MCC: variants seen among roughly 807,000 people sequenced by gnomAD.
MCC encodes the protein MCC regulator of Wnt signaling pathway.
In MCC, 90 loss-of-function variants were observed where a neutral mutation model predicts 116.2. The observed-to-expected ratio is 0.77, with a 90% CI of 0.65 to 0.92. The LOEUF (loss-of-function observed/expected upper bound fraction) is 0.92, where lower values mean the gene tolerates loss of function less well. MCC is among the 40% of genes least tolerant of loss of function. The pLI is 0.00. For synonymous variants in MCC, 578 were observed against 510.5 expected (o/e 1.13, Z -1.78); for missense variants, 1,516 against 1,312.2 (o/e 1.16, Z -2.40).
At chr5:113,234,142 G>A (rs1764046143) in intron 3 of MCC, among the ~76,000 whole-genome samples, 1 of 152,096 alleles carries the variant, frequency 6.6e-6, no homozygotes, top group South Asian at 2.1e-4. Flanking sequence ...TTCATGAACT[G>A]ATAGTTTGTG....
chr5:113,262,522 C>A (rs1765254008), intron 3 of MCC, among the ~76,000 whole-genome samples: 1 of 152,146 alleles, frequency 6.6e-6, no homozygotes. Context: ...AGTTATTGTT[C>A]ACCAAGCACT....
At chr5:113,268,406 G>C (rs1765492677) in intron 3 of MCC, among the ~76,000 whole-genome samples, 1 of 152,112 alleles carries the variant, frequency 6.6e-6, no homozygotes, top group Admixed American at 6.5e-5. Flanking sequence ...AGGCCCTTAG[G>C]ATGTACCACT....
intron 3 of MCC, among the ~76,000 whole-genome samples, chr5:113,329,279 G>A (rs558274018): frequency 6.6e-6 from 1 of 152,212 alleles, no homozygotes; most frequent in East Asian, 1.9e-4. Context: ...TGAGGGTCCA[G>A]GTGTTCTTCC....
At chr5:113,145,681 T>C (rs1395092126) in intron 4 of MCC, among the ~76,000 whole-genome samples, 3 of 151,988 alleles carry the variant, frequency 2.0e-5, no homozygotes, top group African/African-American at 7.3e-5. Context: ...CCAGCAGCCC[T>C]CGCTGCTGCT....
rs532517553 is a variant in MCC, at chr5:113,168,318, T to A, written c.628-16896A>T. 3.3e-5 allele frequency among the ~76,000 whole-genome samples: 5 copies of A among 152,342 alleles called. No individual in the cohort carries two copies. In the East Asian group the frequency reaches 5.8e-4, roughly 18 times the overall value. On this transcript the variant is annotated intron_variant, in intron 3 of 18. Coordinates refer to ENST00000408903, the MANE Select transcript of MCC (RefSeq NM_001085377.2). Reference sequence around the variant, plus strand: ...TGATGAAAATGTGCCCTTTTCCAGATAAATGCCAGATGTTAAGAGTACTTT... The same window carrying A: ...TGATGAAAATGTGCCCTTTTCCAGAAAAATGCCAGATGTTAAGAGTACTTT...
chr5:113,254,121 T>A (rs555856953), intron 3 of MCC, among the ~76,000 whole-genome samples: 3 of 152,180 alleles, frequency 2.0e-5, no homozygotes, highest in Non-Finnish European at 4.4e-5. Flanking sequence ...GAAAGGTCCA[T>A]CAAAGGTACG....
intron 3 of MCC, among the ~76,000 whole-genome samples, chr5:113,205,230 G>A (rs188731284): frequency 4.0e-4 from 61 of 152,336 alleles, no homozygotes; most frequent in Non-Finnish European, 4.6e-4. Context: ...GAGAAGAGCA[G>A]GATCTAAGAA....
At chr5:113,290,471 ATTT>A (rs1285929087) in intron 3 of MCC, among the ~76,000 whole-genome samples, 1 of 152,196 alleles carries the variant, frequency 6.6e-6, no homozygotes, top group Non-Finnish European at 1.5e-5. Context: ...TTAAAAATAA[ATTT>A]TTATTTTTGT....
At chr5:113,307,285 G>A (rs1355824035) in intron 3 of MCC, among the ~76,000 whole-genome samples, 1 of 152,116 alleles carries the variant, frequency 6.6e-6, no homozygotes, top group Non-Finnish European at 1.5e-5. Flanking sequence ...CATGAACATA[G>A]GTGTCTTTTC....
chr5:113,025,422 C>G lies in MCC; in HGVS notation c.*1880G>C, dbSNP rs7709534. On this transcript the variant is annotated 3_prime_UTR_variant, in exon 19 of 19. Transcript: ENST00000408903. Reference sequence around the variant, plus strand: ...GTGGGTGGATCAGTGGTCAGGAGTTCGAGACCAGCCTGGCCAACATGGTGA... The same window carrying G: ...GTGGGTGGATCAGTGGTCAGGAGTTGGAGACCAGCCTGGCCAACATGGTGA... 2 of 151,676 alleles carry G rather than the reference C, an allele frequency of 1.3e-5. No homozygotes were observed. Among genetic ancestry groups the G allele is most frequent in the African/African-American group, 4.8e-5 (2 of 41,260 alleles). 9.4% of individuals were successfully genotyped at this position (151,676 alleles called of 1,614,324 possible).
chr5:113,479,716 G>T (rs1439678438), intron 1 of MCC, among the ~76,000 whole-genome samples: 2 of 152,020 alleles, frequency 1.3e-5, no homozygotes, highest in African/African-American at 2.4e-5. Context: ...TTGCTTTATG[G>T]CTGGTCTTAG....
chr5:113,263,996 G>A (rs1009543420), intron 3 of MCC, among the ~76,000 whole-genome samples: 10 of 151,674 alleles, frequency 6.6e-5, no homozygotes, highest in African/African-American at 1.4e-4. Context: ...CCTAAGTCAC[G>A]CATCTCATCT....
intron 3 of MCC, among the ~76,000 whole-genome samples, chr5:113,162,701 G>A (rs564886928): frequency 6.6e-6 from 1 of 152,166 alleles, no homozygotes; most frequent in African/African-American, 2.4e-5. Context: ...GTATCACCAT[G>A]TTGCCCAGGC....
At chr5:113,060,976 G>T (rs930164845) in intron 14 of MCC, among the ~76,000 whole-genome samples, 1 of 152,196 alleles carries the variant, frequency 6.6e-6, no homozygotes, top group Non-Finnish European at 1.5e-5. Context: ...CTAGGTGGCT[G>T]TTTCAAAAAA....
chr5:113,415,702 A>C (rs1242753528), intron 1 of MCC, among the ~76,000 whole-genome samples: 1 of 151,944 alleles, frequency 6.6e-6, no homozygotes, highest in Non-Finnish European at 1.5e-5. Context: ...CTTCCTTGTG[A>C]TGGGTTCGAA....
At chr5:113,467,280 A>G (rs1771937203) in intron 1 of MCC, among the ~76,000 whole-genome samples, 1 of 149,560 alleles carries the variant, frequency 6.7e-6, no homozygotes, top group Non-Finnish European at 1.5e-5. Context: ...CCTGAATGGT[A>G]TTGCCTAGGT....
At chr5:113,165,744 A>T (rs1221802952) in intron 3 of MCC, among the ~76,000 whole-genome samples, 1 of 152,174 alleles carries the variant, frequency 6.6e-6, no homozygotes, top group Non-Finnish European at 1.5e-5. Context: ...CCGTCTTCCA[A>T]CCTGTAACCA....
chr5:113,395,155 G>A (rs1561550266), intron 1 of MCC, among the ~76,000 whole-genome samples: 1 of 152,114 alleles, frequency 6.6e-6, no homozygotes, highest in Non-Finnish European at 1.5e-5. Context: ...AAATGAATAC[G>A]TGGGTAAATA....
rs1254666297 is a variant in MCC at position 113,023,793 on chromosome 5, CTT to C, written c.*3507_*3508del. On this transcript the variant is annotated 3_prime_UTR_variant, in exon 19 of 19. Coordinates refer to ENST00000408903, the MANE Select transcript of MCC (RefSeq NM_001085377.2). ...ACTTTAAAGCTTGATAATCGAAACT[CTT>C]GAGAGCTATTAAGGTTGACTGATAG... 1 of 152,130 alleles carries C rather than the reference CTT, an allele frequency of 6.6e-6. No individual in the cohort carries two copies. The highest frequency in any genetic ancestry group is 6.5e-5 in the Admixed American group (1 of 15,270). 9.4% of individuals were successfully genotyped at this position (152,130 alleles called of 1,614,324 possible). A position where few individuals can be genotyped will look rare whatever the true frequency, so the allele number is the denominator to read the frequency against.
Sources: allele counts gnomAD v4.1 joint callset (sites outside exome capture counted in the v4.1 genomes callset), GRCh38; gene constraint gnomAD v4.1.1; transcripts MANE v1.5; gene names NCBI Gene and HGNC (gene_info 2026-07-23, HGNC 2026-07-21).